Variants in TJP1 observed in about 807,000 individuals in gnomAD.
The protein encoded by TJP1 is tight junction protein 1, also known as tight junction protein ZO-1.
Under a neutral mutation model 194.2 loss-of-function variants are expected in TJP1, and 43 were observed. That is an observed-to-expected ratio of 0.22 (90% CI 0.17 to 0.29). TJP1 has a LOEUF of 0.29. Ranked by LOEUF, TJP1 falls within the 10% of genes least tolerant of loss-of-function variation. The probability of loss-of-function intolerance (pLI) is 1.00; values close to 1 mark genes in which losing one functional copy is unlikely to be tolerated. For synonymous variants in TJP1, 801 were observed against 779.0 expected, an observed-to-expected ratio of 1.03 and a Z score of -0.47; for missense variants, 1,971 against 2,185.7, an observed-to-expected ratio of 0.90 and a Z score of 1.96.
At chr15:29,870,306 GA>G (rs1363224663) in intron 2 of TJP1, among the ~76,000 whole-genome samples, 2 of 151,666 alleles carry the variant, frequency 1.3e-5, no homozygotes, top group Non-Finnish European at 2.9e-5. Context: ...AAATGGTTAA[GA>G]AAAAAAAGAG....
intron 8 of TJP1, among the ~76,000 whole-genome samples, chr15:29,748,121 T>C (rs1869334255): frequency 6.6e-6 from 1 of 152,236 alleles, no homozygotes; most frequent in Admixed American, 6.5e-5. Flanking sequence ...GCTTACGTAA[T>C]TAAAAATTTT....
At chr15:29,957,575 A>C (rs1437546562) in intron 1 of TJP1, among the ~76,000 whole-genome samples, 3 of 152,188 alleles carry the variant, frequency 2.0e-5, no homozygotes, top group Admixed American at 6.5e-5. Context: ...TCCCATAATA[A>C]TCCATACAGA....
chr15:29,818,143 G>A (rs1038572541), intron 1 of TJP1, among the ~76,000 whole-genome samples: 1 of 152,012 alleles, frequency 6.6e-6, no homozygotes, highest in Non-Finnish European at 1.5e-5. Context: ...TAGCCACAGC[G>A]GGCAATACTA....
At chr15:29,739,737 G>A (rs946869772) in intron 10 of TJP1, among the ~76,000 whole-genome samples, 2 of 152,014 alleles carry the variant, frequency 1.3e-5, no homozygotes, top group Non-Finnish European at 2.9e-5. Context: ...GAGCCACTGC[G>A]CCCGGCCAGT....
chr15:29,840,417 C>T (rs768313210), intron 2 of TJP1, among the ~76,000 whole-genome samples: 16 of 152,142 alleles, frequency 1.1e-4, no homozygotes, highest in Admixed American at 2.0e-4. Flanking sequence ...TTAAGTTAAA[C>T]GTCTCTTTCT....
intron 23 of TJP1, among the ~76,000 whole-genome samples, chr15:29,716,333 G>A (rs954186699): frequency 1.3e-5 from 2 of 152,224 alleles, no homozygotes; most frequent in African/African-American, 4.8e-5. Flanking sequence ...AGTGAAGACT[G>A]ATGATTACCT....
intron 8 of TJP1, among the ~76,000 whole-genome samples, chr15:29,744,242 G>A (rs2044616721): frequency 6.6e-6 from 1 of 152,188 alleles, no homozygotes; most frequent in Non-Finnish European, 1.5e-5. Flanking sequence ...GGTAGGGAAA[G>A]ATATGGAGAA....
At chr15:29,867,439 T>A (rs1434916451) in intron 2 of TJP1, among the ~76,000 whole-genome samples, 1 of 152,208 alleles carries the variant, frequency 6.6e-6, no homozygotes. Flanking sequence ...ACTTTCACAT[T>A]GGGCCTTGCT....
chr15:29,741,148 T>C, intron 10 of TJP1, 183 bp downstream of exon 10: 1 of 480,578 alleles, frequency 2.1e-6, no homozygotes, highest in Non-Finnish European at 3.6e-6. Context: ...AGTTCCTTTG[T>C]TGTCTAATTT....
chr15:29,797,362 C>A (rs1265671470), intron 2 of TJP1, among the ~76,000 whole-genome samples: 1 of 152,114 alleles, frequency 6.6e-6, no homozygotes, highest in Non-Finnish European at 1.5e-5. Context: ...GTTGGCCAGG[C>A]TGGTCTCAAA....
intron 2 of TJP1, among the ~76,000 whole-genome samples, chr15:29,840,086 T>A (rs1397890208): frequency 6.6e-6 from 1 of 152,240 alleles, no homozygotes; most frequent in Admixed American, 6.5e-5. Flanking sequence ...CAGTTTCTAA[T>A]CAGATTTTTT....
chr15:29,942,870 C>G lies in TJP1; in HGVS notation c.306+13362G>C, dbSNP rs985447952. On this transcript the variant is annotated intron_variant, in intron 2 of 28. Transcript: ENST00000356107. ...CATAAGCACCTATAAGAACCAACTC[C>G]CAAGTCATTTTTCTTTTCTTCCTTT... Among the ~76,000 whole-genome samples, 5 of 152,312 alleles carry G rather than the reference C, an allele frequency of 3.3e-5. No individual in the cohort carries two copies. The East Asian group carries it at 9.6e-4, about 29-fold the overall frequency.
chr15:29,786,895 C>T (rs1362999702), intron 2 of TJP1, among the ~76,000 whole-genome samples: 1 of 152,166 alleles, frequency 6.6e-6, no homozygotes, highest in Admixed American at 6.5e-5. Context: ...TCTTAAGGGG[C>T]ATTTTACTAG....
intron 4 of TJP1, among the ~76,000 whole-genome samples, chr15:29,770,206 G>A (rs1363179787): frequency 6.6e-6 from 1 of 152,140 alleles, no homozygotes; most frequent in Admixed American, 6.5e-5. Context: ...CAGAACTTTG[G>A]GAGGCGGAGG....
intron 2 of TJP1, among the ~76,000 whole-genome samples, chr15:29,863,221 A>G (rs2052161872): frequency 6.6e-6 from 1 of 151,876 alleles, no homozygotes; most frequent in Non-Finnish European, 1.5e-5. Flanking sequence ...GCTTGAACCC[A>G]GGAGGCGGAT....
chr15:29,909,693 C>T (rs1596238103), intron 2 of TJP1, among the ~76,000 whole-genome samples: 1 of 152,108 alleles, frequency 6.6e-6, no homozygotes. Flanking sequence ...TAGGGTACTG[C>T]TCCCTGGAAA....
At position 29,720,278 on chromosome 15, in the gene TJP1, T is replaced by C. The variant is rs993684557; in HGVS notation, c.2763+80A>G. 6 of 1,252,134 alleles carry C rather than the reference T, an allele frequency of 4.8e-6. No individual in the cohort carries two copies. In the East Asian group the frequency reaches 9.4e-5, roughly 20 times the overall value. The allele number at this position is 1,252,134 out of a possible 1,614,324, so 77.6% of individuals were successfully genotyped here. A position where few individuals can be genotyped will look rare whatever the true frequency, so the allele number is the denominator to read the frequency against. ...CTTAATCTGGAGAAAGGACAACATATATATTTTTAACTCAATCACCACATT... is the reference window on the plus strand; with the variant it reads ...CTTAATCTGGAGAAAGGACAACATACATATTTTTAACTCAATCACCACATT... On this transcript the variant is annotated intron_variant, in intron 19 of 27. Transcript: ENST00000614355.
intron 2 of TJP1, among the ~76,000 whole-genome samples, chr15:29,839,075 T>C (rs1394641190): frequency 7.5e-6 from 1 of 132,652 alleles, no homozygotes; most frequent in Non-Finnish European, 1.5e-5. Context: ...CTCGGCTCAC[T>C]GCAAGCTCCG....
At chr15:29,890,184 A>G (rs1439194955) in intron 2 of TJP1, among the ~76,000 whole-genome samples, 5 of 151,924 alleles carry the variant, frequency 3.3e-5, no homozygotes, top group Admixed American at 3.3e-4. Context: ...AGCCCAACGA[A>G]ACTGGGAGGG....
Sources: allele counts gnomAD v4.1 joint callset (sites outside exome capture counted in the v4.1 genomes callset), GRCh38; gene constraint gnomAD v4.1.1; transcripts MANE v1.5; gene names NCBI Gene and HGNC (gene_info 2026-07-23, HGNC 2026-07-21).